The following UBAP2L variants were observed in gnomAD, a reference collection of about 807,000 sequenced individuals.
UBAP2L encodes ubiquitin-associated protein 2-like.
Under a neutral mutation model 130.6 loss-of-function variants are expected in UBAP2L, and 12 were observed. The observed-to-expected ratio is 0.09, with a 90% CI of 0.06 to 0.15. UBAP2L has a LOEUF of 0.15. Ranked by LOEUF, UBAP2L falls within the 10% of genes least tolerant of loss-of-function variation. The pLI, the probability that UBAP2L is intolerant of heterozygous loss-of-function variation, is 1.00. For missense variants in UBAP2L, 965 were observed against 1,332.5 expected (o/e 0.72, Z 4.29); for synonymous variants, 503 against 524.7 (o/e 0.96, Z 0.57).
rs1205844230 is a variant in UBAP2L at position 154,241,514 on chromosome 1, T to G, written c.705T>G (p.Ser235Arg). 6.2e-7 allele frequency: 1 copy of G among 1,613,860 alleles called. No individual in the cohort carries two copies. Among genetic ancestry groups the G allele is most frequent in the Non-Finnish European group, 8.5e-7 (1 of 1,179,930 alleles). Residue 235 changes from serine to arginine, a missense_variant and splice_region_variant, in exon 9 of 27, where the codon AGT (serine) becomes AGG (arginine). This residue lies in a region of UBAP2L where 19 missense variants were observed against 52.1 expected (regional missense o/e 0.36). Coordinates refer to ENST00000428931, the MANE Select transcript of UBAP2L (RefSeq NM_014847.4). ...TTCACTATTTTTCTTTATTCTCAGG[T>G]GCATGGAGGACTGCAACAGAGGAGT... ...TGHFEPDDGTSAWRTATEEWG... is the reference protein window; with the variant it reads ...TGHFEPDDGTRAWRTATEEWG...
intron 23 of UBAP2L, among the ~76,000 whole-genome samples, 166 bp from the exon 24 acceptor site, chr1:154,261,426 G>A (rs1039796150): frequency 1.3e-5 from 2 of 152,074 alleles, no homozygotes; most frequent in Admixed American, 1.3e-4. Flanking sequence ...GACTTCATTA[G>A]TAGATTCTAG....
intron 8 of UBAP2L, among the ~76,000 whole-genome samples, chr1:154,239,378 A>G (rs993865107): frequency 6.6e-6 from 1 of 151,994 alleles, no homozygotes; most frequent in Non-Finnish European, 1.5e-5. Context: ...GTAGATTTTT[A>G]TGAGCTGAAA....
upstream of UBAP2L, chr1:154,220,264 A>C: frequency 6.5e-7 from 1 of 1,536,258 alleles, no homozygotes; most frequent in Non-Finnish European, 9.0e-7. Flanking sequence ...TGGAGAATGC[A>C]GACGGGGTAC....
At chr1:154,254,803 T>A (rs746967790) in intron 15 of UBAP2L, 33 bp from the exon 16 acceptor site, 20 of 1,580,532 alleles carry the variant, frequency 1.3e-5, no homozygotes, top group Non-Finnish European at 1.5e-5. Flanking sequence ...GTTTGTCTGT[T>A]TCTTGCTCTT....
chr1:154,251,800 A>C, intron 14 of UBAP2L, 147 bp downstream of exon 14: 2 of 880,818 alleles, frequency 2.3e-6, no homozygotes, highest in Non-Finnish European at 3.4e-6. Flanking sequence ...TAGTGCTTTA[A>C]AATATTGTTA....
At chr1:154,220,820 G>A (rs1440061513), upstream of UBAP2L, 1 of 174,278 alleles carries the variant, frequency 5.7e-6, no homozygotes, top group African/African-American at 2.4e-5. Flanking sequence ...GCCCCTTTTA[G>A]CGTCACGCGC....
chr1:154,236,015 C>T (rs1671552572), intron 6 of UBAP2L, among the ~76,000 whole-genome samples: 1 of 152,146 alleles, frequency 6.6e-6, no homozygotes, highest in Non-Finnish European at 1.5e-5. Flanking sequence ...AGGTAGATGT[C>T]ATTTCCTCTA....
intron 21 of UBAP2L, 68 bp downstream of exon 21, chr1:154,259,098 C>T (rs561311206): frequency 2.3e-5 from 32 of 1,369,260 alleles, no homozygotes; most frequent in Non-Finnish European, 3.1e-5. Context: ...GAATTATCTC[C>T]GTCACAGACA....
At chr1:154,238,285 G>A (rs1392284984) in intron 8 of UBAP2L, among the ~76,000 whole-genome samples, 1 of 152,192 alleles carries the variant, frequency 6.6e-6, no homozygotes. Flanking sequence ...GCATCATTTA[G>A]TTACGAAATG....
rs770211849 is a variant in UBAP2L at position 154,261,135 on chromosome 1, T to G, written c.2796+26T>G. ...GTGAGTACCTGGCTTTGGTCACTCC[T>G]TGTGGTGAAGGATCCTAGCCCTGGA... On this transcript the variant is annotated intron_variant, in intron 23 of 26. Coordinates refer to ENST00000428931, the MANE Select transcript of UBAP2L (RefSeq NM_014847.4). 1.9e-6 allele frequency: 3 copies of G among 1,607,056 alleles called. No homozygotes were observed. In the African/African-American group the frequency reaches 4.0e-5, roughly 21 times the overall value.
chr1:154,239,741 G>A (rs1370635103), intron 8 of UBAP2L, among the ~76,000 whole-genome samples: 1 of 152,174 alleles, frequency 6.6e-6, no homozygotes, highest in Admixed American at 6.5e-5. Context: ...GTTAGATCAT[G>A]TCTAACTCTA....
intron 9 of UBAP2L, 99 bp from the exon 10 acceptor site, chr1:154,243,118 G>T: frequency 1.1e-6 from 1 of 944,920 alleles, no homozygotes; most frequent in South Asian, 1.4e-5. Context: ...TCTTTATAGG[G>T]CTTTCACTTT....
intron 4 of UBAP2L, among the ~76,000 whole-genome samples, chr1:154,233,537 C>T (rs151150431): frequency 6.8e-6 from 1 of 146,606 alleles, no homozygotes; most frequent in East Asian, 2.0e-4. Flanking sequence ...GTTGGCCAGG[C>T]TGGTCTCAAA....
upstream of UBAP2L, chr1:154,220,508 C>T (rs1169009973): frequency 3.7e-6 from 5 of 1,351,832 alleles, no homozygotes; most frequent in Non-Finnish European, 5.3e-6. Context: ...CCCTGGAGCT[C>T]CCCGGCCATT....
chr1:154,259,812 ACT>A (rs2149004615), intron 21 of UBAP2L, 134 bp from the exon 22 acceptor site: 1 of 964,182 alleles, frequency 1.0e-6, no homozygotes, highest in East Asian at 2.4e-5. Context: ...GTTTGTGCTA[ACT>A]CTAGCCAGCT....
intron 25 of UBAP2L, among the ~76,000 whole-genome samples, 155 bp downstream of exon 25, chr1:154,266,723 A>C (rs539002075): frequency 1.3e-5 from 2 of 152,286 alleles, no homozygotes; most frequent in South Asian, 2.1e-4. Flanking sequence ...TCTAGACTTC[A>C]CTTCCTCTAA....
rs180679820 is a variant in UBAP2L at position 154,242,937 on chromosome 1, T to A, written c.757-280T>A. ...AGAGGGATTTTCTTTCTTTTATTTT[T>A]TTTTTTTTATGTCTAGCATGCCTGT... On this transcript the variant is annotated intron_variant, in intron 9 of 26. Transcript: ENST00000428931. The A allele has an allele frequency of 5.8e-3, 1,124 of 195,022 alleles. 8 individuals are homozygous for A. Among genetic ancestry groups the A allele is most frequent in the Non-Finnish European group, 8.2e-3 (778 of 95,352 alleles). The allele number at this position is 195,022 out of a possible 1,614,324, so 12.1% of individuals were successfully genotyped here.
intron 24 of UBAP2L, among the ~76,000 whole-genome samples, chr1:154,262,780 C>T (rs570532154): frequency 3.1e-4 from 47 of 152,192 alleles, no homozygotes; most frequent in African/African-American, 1.1e-3. Flanking sequence ...AATACATAGA[C>T]TCCTTGTGGC....
chr1:154,259,122 T>TC, intron 21 of UBAP2L, 92 bp downstream of exon 21: 2 of 1,141,940 alleles, frequency 1.8e-6, no homozygotes, highest in South Asian at 2.5e-5. Context: ...CTCTTTCCCA[T>TC]CCCAGCCCTC....
Sources: allele counts gnomAD v4.1 joint callset (sites outside exome capture counted in the v4.1 genomes callset), GRCh38; gene constraint gnomAD v4.1.1; regional missense constraint gnomAD v4.1.1; transcripts MANE v1.5; gene names NCBI Gene and HGNC (gene_info 2026-07-23, HGNC 2026-07-21).